The following DOCK4 variants were observed in gnomAD, a reference collection of about 807,000 sequenced individuals.
The protein encoded by DOCK4 is dedicator of cytokinesis protein 4.
In DOCK4, 97 loss-of-function variants were observed where a neutral mutation model predicts 268.1. That is an observed-to-expected ratio of 0.36 (90% CI 0.31 to 0.43). The LOEUF is 0.43. Among genes scored for constraint, DOCK4 ranks in the 20% least tolerant of loss-of-function variants. DOCK4 has a pLI of 1.00. For missense variants in DOCK4, 2,145 were observed against 2,455.7 expected (o/e 0.87, Z 2.67); for synonymous variants, 954 against 887.2 (o/e 1.08, Z -1.34).
chr7:111,935,878 T>C (rs1218053897), intron 11 of DOCK4, among the ~76,000 whole-genome samples: 1 of 152,114 alleles, frequency 6.6e-6, no homozygotes, highest in Non-Finnish European at 1.5e-5. Flanking sequence ...AGATTACAAG[T>C]GGCCCCAAAA....
chr7:112,127,013 G>A, intron 1 of DOCK4, among the ~76,000 whole-genome samples: 1 of 151,992 alleles, frequency 6.6e-6, no homozygotes, highest in East Asian at 1.9e-4. Context: ...CACTCCTCAG[G>A]GATCTAGAAC....
chr7:111,979,389 A>C (rs1798438816), intron 7 of DOCK4, among the ~76,000 whole-genome samples: 2 of 152,286 alleles, frequency 1.3e-5, no homozygotes, highest in African/African-American at 4.8e-5. Context: ...TACTAAACAC[A>C]GGTTCCTGAA....
Position 111,940,371 on chromosome 7 carries a change from C to T in DOCK4, c.845-129G>A, listed in dbSNP as rs528886666. 218 of 1,217,226 alleles carry T rather than the reference C, an allele frequency of 1.8e-4. 4 individuals carry two copies. The South Asian group carries it at 2.3e-3, about 13-fold the overall frequency. The allele number at this position is 1,217,226 out of a possible 1,614,324, so 75.4% of individuals were successfully genotyped here. ...GGCAATAAAGAGCACCCAGGTTGGG[C>T]GTAACAGAAGATATTGCTTCAGTTC... On this transcript the variant is annotated intron_variant, in intron 10 of 52. Coordinates refer to ENST00000428084, the MANE Select transcript of DOCK4 (RefSeq NM_001363540.2).
intron 17 of DOCK4, among the ~76,000 whole-genome samples, chr7:111,875,435 G>A (rs1205792211): frequency 6.6e-6 from 1 of 152,184 alleles, no homozygotes; most frequent in Non-Finnish European, 1.5e-5. Flanking sequence ...AGAATCTATT[G>A]TTAGGTTTAC....
chr7:111,946,891 A>G (rs1795668867), intron 8 of DOCK4, among the ~76,000 whole-genome samples: 2 of 152,238 alleles, frequency 1.3e-5, no homozygotes, highest in African/African-American at 4.8e-5. Context: ...CATGGATGCC[A>G]TTTAGATCCA....
intron 33 of DOCK4, 43 bp downstream of exon 33, chr7:111,784,054 T>C (rs1798984121): frequency 1.3e-6 from 2 of 1,578,818 alleles, no homozygotes; most frequent in Non-Finnish European, 1.7e-6. Context: ...TAGCAACCAC[T>C]GCAACATCTC....
intron 1 of DOCK4, among the ~76,000 whole-genome samples, chr7:112,176,174 G>A (rs979364836): frequency 1.3e-5 from 2 of 152,166 alleles, no homozygotes; most frequent in African/African-American, 4.8e-5. Flanking sequence ...CTAAGAACAG[G>A]GGTGTGTGGA....
intron 13 of DOCK4, among the ~76,000 whole-genome samples, chr7:111,912,671 A>G (rs761402137): frequency 3.9e-5 from 6 of 152,074 alleles, no homozygotes; most frequent in Non-Finnish European, 7.4e-5. Flanking sequence ...AAAGATTAAG[A>G]TCAAGACAGA....
chr7:112,123,750 T>G (rs1812961988), intron 1 of DOCK4, among the ~76,000 whole-genome samples: 1 of 152,234 alleles, frequency 6.6e-6, no homozygotes, highest in South Asian at 2.1e-4. Context: ...GTCACATTCT[T>G]CTGCTATAAC....
chr7:112,112,073 G>C (rs181912311), intron 1 of DOCK4, among the ~76,000 whole-genome samples: 4 of 152,248 alleles, frequency 2.6e-5, no homozygotes, highest in Non-Finnish European at 1.5e-5. Flanking sequence ...CCTTCCCCAT[G>C]AGAGGTGATA....
At chr7:111,984,172 G>A in intron 7 of DOCK4, 134 bp downstream of exon 7, 6 of 742,494 alleles carry the variant, frequency 8.1e-6, no homozygotes, top group Non-Finnish European at 1.3e-5. Context: ...GGTCACCTCA[G>A]CTCTCAAGTC....
At chr7:112,029,509 C>A (rs1193365123) in intron 1 of DOCK4, among the ~76,000 whole-genome samples, 1 of 152,176 alleles carries the variant, frequency 6.6e-6, no homozygotes, top group South Asian at 2.1e-4. Context: ...ACGAGACCAG[C>A]AATTGGTGTT....
At chr7:112,048,027 G>A (rs541141368) in intron 1 of DOCK4, among the ~76,000 whole-genome samples, 125 of 152,236 alleles carry the variant, frequency 8.2e-4, no homozygotes, top group African/African-American at 2.8e-3. Flanking sequence ...AGTGATCTGT[G>A]AGGACAATGT....
chr7:112,042,631 C>G (rs780434386), intron 1 of DOCK4, among the ~76,000 whole-genome samples: 3 of 152,188 alleles, frequency 2.0e-5, no homozygotes, highest in Non-Finnish European at 2.9e-5. Flanking sequence ...TGCTGTCCAA[C>G]TGCTTACCAT....
At chr7:111,883,021 C>T (rs28439486) in intron 16 of DOCK4, among the ~76,000 whole-genome samples, 53,475 of 151,916 alleles carry the variant, frequency 0.35, 9,785 homozygotes, top group African/African-American at 0.46. Flanking sequence ...AACACCAATA[C>T]AAACATAATA....
chr7:112,002,552 G>T (rs371569997), intron 2 of DOCK4, among the ~76,000 whole-genome samples: 1 of 152,066 alleles, frequency 6.6e-6, no homozygotes, highest in Non-Finnish European at 1.5e-5. Context: ...TAAACATTCC[G>T]ATATCACCAG....
chr7:112,160,663 C>G (rs967003807), intron 1 of DOCK4, among the ~76,000 whole-genome samples: 5 of 152,182 alleles, frequency 3.3e-5, no homozygotes, highest in African/African-American at 1.2e-4. Context: ...CCCCACTGCC[C>G]CAGCCAGAGG....
chr7:111,913,128 T>C (rs996683171), intron 13 of DOCK4, among the ~76,000 whole-genome samples: 11 of 151,866 alleles, frequency 7.2e-5, no homozygotes, highest in African/African-American at 2.7e-4. Context: ...CATGCCCGGC[T>C]AATTTTTTGT....
intron 23 of DOCK4, among the ~76,000 whole-genome samples, chr7:111,861,620 C>T (rs1011789071): frequency 6.6e-6 from 1 of 151,604 alleles, no homozygotes; most frequent in African/African-American, 2.4e-5. Context: ...ATGGTGGGTG[C>T]CTATAATCCC....
Sources: allele counts gnomAD v4.1 joint callset (sites outside exome capture counted in the v4.1 genomes callset), GRCh38; gene constraint gnomAD v4.1.1; transcripts MANE v1.5; gene names NCBI Gene and HGNC (gene_info 2026-07-23, HGNC 2026-07-21).